The following IQCM variants were observed in gnomAD, a reference collection of about 807,000 sequenced individuals.
IQCM encodes the protein IQ domain-containing protein M.
A neutral mutation model predicts 57.6 loss-of-function variants in IQCM; 45 were observed. The observed-to-expected ratio is 0.78, with a 90% confidence interval of 0.62 to 1.00. The LOEUF is 1.00. Ranked by LOEUF, IQCM falls within the 50% of genes least tolerant of loss-of-function variation. IQCM has a pLI of 0.00. For missense variants in IQCM, 468 were observed against 511.6 expected (o/e 0.91, Z 0.82); for synonymous variants, 148 against 158.9 (o/e 0.93, Z 0.51).
chr4:149,434,571 A>G (rs1379848534), intron 12 of IQCM, among the ~76,000 whole-genome samples: 1 of 152,082 alleles, frequency 6.6e-6, no homozygotes, highest in Non-Finnish European at 1.5e-5. Flanking sequence ...GTTACATGTC[A>G]TATTTTCTGG....
intron 12 of IQCM, among the ~76,000 whole-genome samples, chr4:149,463,538 CTT>C (rs900768602): frequency 3.3e-5 from 5 of 152,128 alleles, no homozygotes; most frequent in African/African-American, 1.2e-4. Context: ...AAAGATGAGT[CTT>C]TTCAAAATTC....
intron 9 of IQCM, among the ~76,000 whole-genome samples, chr4:149,583,652 A>G (rs1488351425): frequency 6.6e-6 from 1 of 151,678 alleles, no homozygotes; most frequent in Non-Finnish European, 1.5e-5. Context: ...AGACTTTTGC[A>G]ATATGGTTAG....
intron 13 of IQCM, among the ~76,000 whole-genome samples, chr4:149,354,360 T>A: frequency 2.2e-4 from 1 of 4,454 alleles, no homozygotes; most frequent in African/African-American, 1.5e-3. Flanking sequence ...CGAGACTCCG[T>A]CTCAAAAAAA....
intron 12 of IQCM, among the ~76,000 whole-genome samples, chr4:149,434,186 T>G (rs1560833144): frequency 6.6e-6 from 1 of 152,134 alleles, no homozygotes; most frequent in Non-Finnish European, 1.5e-5. Flanking sequence ...CCAGAGAAGT[T>G]AAATAACTTG....
intron 3 of IQCM, among the ~76,000 whole-genome samples, chr4:149,741,779 T>C (rs1767480580): frequency 6.6e-6 from 1 of 152,204 alleles, no homozygotes; most frequent in Non-Finnish European, 1.5e-5. Flanking sequence ...ATGTATGGTA[T>C]ACCTGAAAGT....
intron 2 of IQCM, among the ~76,000 whole-genome samples, chr4:149,783,789 C>T (rs1771829451): frequency 6.6e-6 from 1 of 152,266 alleles, no homozygotes. Flanking sequence ...AAGAAGTCCA[C>T]GTGACAAAGA....
chr4:149,779,917 T>C (rs534007405), intron 2 of IQCM, among the ~76,000 whole-genome samples: 1 of 152,128 alleles, frequency 6.6e-6, no homozygotes, highest in Non-Finnish European at 1.5e-5. Context: ...TTTTGCCTCA[T>C]TACTTCACAA....
chr4:149,599,100 G>C (rs111226952), intron 8 of IQCM, among the ~76,000 whole-genome samples: 1 of 151,984 alleles, frequency 6.6e-6, no homozygotes, highest in African/African-American at 2.4e-5. Context: ...CCTATGCTTC[G>C]GGAGACATAT....
chr4:149,422,278 T>G (rs182121228), intron 13 of IQCM, among the ~76,000 whole-genome samples: 1 of 151,920 alleles, frequency 6.6e-6, no homozygotes, highest in Admixed American at 6.6e-5. Context: ...AAAGCAAGAT[T>G]TGAGGGGCCA....
chr4:149,640,491 C>T (rs1467900420), intron 7 of IQCM, among the ~76,000 whole-genome samples: 2 of 152,196 alleles, frequency 1.3e-5, no homozygotes, highest in Non-Finnish European at 2.9e-5. Flanking sequence ...AAAGTGGTTT[C>T]CTCTACCATT....
At chr4:149,783,348 C>A (rs1329923917) in intron 2 of IQCM, among the ~76,000 whole-genome samples, 1 of 152,132 alleles carries the variant, frequency 6.6e-6, no homozygotes, top group African/African-American at 2.4e-5. Context: ...TTAGTATTAA[C>A]AAACGCTCTC....
chr4:149,416,637 G>A (rs74943769), intron 13 of IQCM, among the ~76,000 whole-genome samples: 33 of 152,154 alleles, frequency 2.2e-4, no homozygotes, highest in African/African-American at 7.9e-4. Context: ...GTAAACATAG[G>A]TGGCCATAGT....
intron 2 of IQCM, among the ~76,000 whole-genome samples, chr4:149,777,400 C>G (rs1561263561): frequency 1.3e-5 from 2 of 152,160 alleles, no homozygotes; most frequent in Non-Finnish European, 2.9e-5. Flanking sequence ...TTTCTAACAG[C>G]CTGGTACAGC....
intron 2 of IQCM, among the ~76,000 whole-genome samples, chr4:149,807,831 T>C (rs964504837): frequency 1.3e-5 from 2 of 151,882 alleles, no homozygotes; most frequent in Admixed American, 6.6e-5. Flanking sequence ...TATGAAAAAA[T>C]GTTCAGCATC....
rs370373534 is a variant in IQCM, at chr4:149,437,020, G to A, written c.1229-3463C>T. The stretch of plus-strand genomic sequence containing the variant: ...AATATTATCATACATCACAGCTCAA[G>A]ATACTGAAGCATAGGGAGGTTACAG... On this transcript the variant is annotated intron_variant, in intron 12 of 13. Coordinates refer to ENST00000636793, the MANE Select transcript of IQCM (RefSeq NM_001363507.2). 5.2e-4 allele frequency among the ~76,000 whole-genome samples: 79 copies of A among 152,216 alleles called. 2 individuals are homozygous for A. The South Asian group carries it at 7.7e-3, about 15-fold the overall frequency.
At chr4:149,584,179 C>A (rs1160224815) in intron 9 of IQCM, among the ~76,000 whole-genome samples, 1 of 151,408 alleles carries the variant, frequency 6.6e-6, no homozygotes, top group Non-Finnish European at 1.5e-5. Flanking sequence ...CTGAGATTTT[C>A]TGGCTTTCTT....
intron 13 of IQCM, chr4:149,430,021 G>A (rs1006709058): frequency 8.1e-7 from 1 of 1,228,482 alleles, no homozygotes; most frequent in Non-Finnish European, 1.0e-6. Flanking sequence ...GATAATTTCA[G>A]GTGGAAAACT....
intron 12 of IQCM, among the ~76,000 whole-genome samples, chr4:149,500,918 A>G (rs989977936): frequency 2.6e-5 from 4 of 152,130 alleles, no homozygotes; most frequent in Admixed American, 1.3e-4. Context: ...CATAATACCA[A>G]TCCTGATGGT....
At chr4:149,425,391 C>T (rs945207662) in intron 13 of IQCM, among the ~76,000 whole-genome samples, 5 of 152,002 alleles carry the variant, frequency 3.3e-5, no homozygotes, top group Admixed American at 6.6e-5. Context: ...ATGGTCCAAA[C>T]CCAAAGGTCT....
Sources: gnomAD v4.1 joint callset for allele counts (sites outside exome capture counted in the v4.1 genomes callset) on GRCh38, gnomAD v4.1.1 for gene constraint, MANE v1.5 for transcripts, NCBI Gene and HGNC (gene_info 2026-07-23, HGNC 2026-07-21) for gene names.